FARS2: variants seen among roughly 807,000 people sequenced by gnomAD.
FARS2 encodes phenylalanyl-tRNA synthetase 2, mitochondrial.
A neutral mutation model predicts 46.4 loss-of-function variants in FARS2; 40 were observed. The observed-to-expected ratio is 0.86, with a 90% CI of 0.67 to 1.12. The LOEUF (loss-of-function observed/expected upper bound fraction) is 1.12, where lower values mean the gene tolerates loss of function less well. Among genes scored for constraint, FARS2 ranks in the 50% most tolerant of loss-of-function variants. The pLI is 0.00. For synonymous variants in FARS2, 234 were observed against 214.9 expected, an observed-to-expected ratio of 1.09 and a Z score of -0.78; for missense variants, 513 against 567.9, an observed-to-expected ratio of 0.90 and a Z score of 0.98.
intron 4 of FARS2, among the ~76,000 whole-genome samples, chr6:5,448,114 G>T (rs1244338459): frequency 1.3e-5 from 2 of 152,116 alleles, no homozygotes; most frequent in Non-Finnish European, 2.9e-5. Flanking sequence ...GTAGCCTAGG[G>T]GACAGTGAGA....
At chr6:5,462,163 A>G (rs900747705) in intron 4 of FARS2, among the ~76,000 whole-genome samples, 4 of 152,176 alleles carry the variant, frequency 2.6e-5, no homozygotes, top group African/African-American at 7.2e-5. Flanking sequence ...CATGTTAAGC[A>G]TCTTTTCATA....
At chr6:5,399,125 A>ATTATTT (rs1562011658) in intron 2 of FARS2, among the ~76,000 whole-genome samples, 4 of 135,348 alleles carry the variant, frequency 3.0e-5, no homozygotes, top group African/African-American at 8.3e-5. Flanking sequence ...ATTTTATATT[A>ATTATTT]TTTTATTATT....
At chr6:5,663,201 C>G (rs116409978) in intron 6 of FARS2, among the ~76,000 whole-genome samples, 3,006 of 152,276 alleles carry the variant, frequency 0.02, 59 homozygotes, top group African/African-American at 0.048. Context: ...ATATAATAAT[C>G]AGTAGCCACT....
At chr6:5,443,154 T>C (rs1582118520) in intron 4 of FARS2, among the ~76,000 whole-genome samples, 1 of 152,350 alleles carries the variant, frequency 6.6e-6, no homozygotes, top group East Asian at 1.9e-4. Flanking sequence ...TAAACTGTTA[T>C]CCTTTTTCCT....
chr6:5,545,893 C>T (rs1036824116), intron 5 of FARS2, among the ~76,000 whole-genome samples: 29 of 152,170 alleles, frequency 1.9e-4, no homozygotes, highest in Non-Finnish European at 2.9e-4. Context: ...TTTGGGAGGC[C>T]AAGACGGGTG....
chr6:5,361,752 G>T (rs1331102304), intron 1 of FARS2, among the ~76,000 whole-genome samples: 1 of 152,136 alleles, frequency 6.6e-6, no homozygotes, highest in African/African-American at 2.4e-5. Flanking sequence ...GTTATGGATT[G>T]TGCTTGAACA....
intron 5 of FARS2, among the ~76,000 whole-genome samples, chr6:5,589,635 G>A (rs1773807135): frequency 6.6e-6 from 1 of 152,186 alleles, no homozygotes; most frequent in Non-Finnish European, 1.5e-5. Context: ...AGTGTTAGAC[G>A]AAGCACATTG....
At chr6:5,675,992 C>CT (rs1339410544) in intron 6 of FARS2, among the ~76,000 whole-genome samples, 2 of 152,006 alleles carry the variant, frequency 1.3e-5, no homozygotes, top group East Asian at 3.9e-4. Context: ...GGAAATTTCA[C>CT]TTTTTTTACT....
chr6:5,368,605 C>T lies in FARS2; in HGVS notation c.35C>T (p.Ala12Val). The change falls in exon 2 of 7, where the codon GCA (alanine) becomes GTA (valine). Residue 12 changes from alanine (A) to valine (V), a missense_variant. Transcript: ENST00000274680. ...VGSALRRGAH[A>V]YVYLVSKASH... ...TCAGCTCTCAGGAGAGGTGCCCATG[C>T]ATATGTCTACCTGGTGAGTAAGGCC... The T allele has an allele frequency of 1.2e-6, 2 of 1,613,728 alleles. No individual in the cohort carries two copies. Among genetic ancestry groups the T allele is most frequent in the Non-Finnish European group, 8.5e-7 (1 of 1,179,742 alleles).
intron 1 of FARS2, among the ~76,000 whole-genome samples, chr6:5,309,604 C>T (rs915773604): frequency 3.3e-5 from 5 of 151,988 alleles, no homozygotes; most frequent in Non-Finnish European, 1.5e-5. Flanking sequence ...GATCTTATGA[C>T]AGCCAAAATA....
chr6:5,299,473 A>T (rs1486887750), intron 1 of FARS2, among the ~76,000 whole-genome samples: 1 of 152,142 alleles, frequency 6.6e-6, no homozygotes, highest in African/African-American at 2.4e-5. Context: ...TTTCTTCTAT[A>T]ACAGCAATGG....
chr6:5,545,135 A>G lies in FARS2; in HGVS notation c.905-45A>G, dbSNP rs150259703. 4.9e-4 allele frequency: 779 copies of G among 1,597,114 alleles called. No individual in the cohort carries two copies. In the African/African-American group the frequency reaches 9.1e-3, roughly 19 times the overall value. ...TCAGGGAGTGGTATGAACCTATCCA[A>G]TCTCGATACTTTTTAAAAACAACTA... On this transcript the variant is annotated intron_variant, in intron 4 of 6. Coordinates refer to ENST00000274680, the MANE Select transcript of FARS2 (RefSeq NM_006567.5).
chr6:5,566,532 A>G (rs1772332000), intron 5 of FARS2, among the ~76,000 whole-genome samples: 1 of 152,196 alleles, frequency 6.6e-6, no homozygotes, highest in South Asian at 2.1e-4. Context: ...GTTTTTCCCC[A>G]GAAGTCCCAT....
At chr6:5,615,607 T>G (rs1325206313) in intron 6 of FARS2, among the ~76,000 whole-genome samples, 1 of 152,250 alleles carries the variant, frequency 6.6e-6, no homozygotes, top group Non-Finnish European at 1.5e-5. Flanking sequence ...CTGTGACTTT[T>G]CTGTTTCTCT....
intron 6 of FARS2, among the ~76,000 whole-genome samples, chr6:5,707,877 G>A (rs1361656843): frequency 2.6e-5 from 4 of 152,222 alleles, no homozygotes; most frequent in Non-Finnish European, 5.9e-5. Context: ...ACAGAAGGCC[G>A]GAGTTGAACA....
chr6:5,328,653 G>A (rs2127575444), intron 1 of FARS2, among the ~76,000 whole-genome samples: 1 of 151,930 alleles, frequency 6.6e-6, no homozygotes, highest in East Asian at 1.9e-4. Flanking sequence ...AGGACTGATG[G>A]CAGCGTATTT....
At chr6:5,517,749 A>T (rs928843091) in intron 4 of FARS2, among the ~76,000 whole-genome samples, 1 of 152,246 alleles carries the variant, frequency 6.6e-6, no homozygotes. Context: ...AGTATTTTAG[A>T]TATATAATAT....
intron 1 of FARS2, among the ~76,000 whole-genome samples, chr6:5,274,009 C>T (rs1203460905): frequency 6.6e-6 from 1 of 152,106 alleles, no homozygotes. Flanking sequence ...ATCTCTTACT[C>T]TACCTAATTT....
intron 4 of FARS2, among the ~76,000 whole-genome samples, chr6:5,497,749 ATTC>A (rs1316508149): frequency 6.6e-6 from 1 of 152,198 alleles, no homozygotes; most frequent in Non-Finnish European, 1.5e-5. Flanking sequence ...TAATTTTATT[ATTC>A]TTTTATTTTA....
Sources: allele counts gnomAD v4.1 joint callset (sites outside exome capture counted in the v4.1 genomes callset), GRCh38; gene constraint gnomAD v4.1.1; transcripts MANE v1.5; gene names NCBI Gene and HGNC (gene_info 2026-07-23, HGNC 2026-07-21).